ADAM29: variants seen among roughly 807,000 people sequenced by gnomAD.
The protein encoded by ADAM29 is disintegrin and metalloproteinase domain-containing protein 29.
For synonymous variants in ADAM29, 367 were observed against 342.3 expected (o/e 1.07, Z -0.80); for missense variants, 969 against 1,001.8 (o/e 0.97, Z 0.44).
chr4:174,937,538 C>T (rs544178852), intron 4 of ADAM29, among the ~76,000 whole-genome samples: 1 of 152,070 alleles, frequency 6.6e-6, no homozygotes, highest in Admixed American at 6.6e-5. Context: ...CCCATTTCAT[C>T]AGGTGATTTC....
Position 174,975,448 on chromosome 4 carries a change from C to A in ADAM29, c.-78C>A. 7.1e-7 allele frequency: 1 copy of A among 1,415,884 alleles called. No individual in the cohort carries two copies. Among genetic ancestry groups the A allele is most frequent in the Non-Finnish European group, 9.4e-7 (1 of 1,068,126 alleles). 87.7% of individuals were successfully genotyped at this position (1,415,884 alleles called of 1,614,324 possible). A position where few individuals can be genotyped will look rare whatever the true frequency, so the allele number is the denominator to read the frequency against. On this transcript the variant is annotated 5_prime_UTR_variant, in exon 5 of 5. Transcript: ENST00000359240. ...GAAGGAGCCACACCACCTGTGACTC[C>A]AGCCCTGACTTCTGCTCTGGACCAG... is the stretch of plus-strand genomic sequence containing the variant.
intron 4 of ADAM29, among the ~76,000 whole-genome samples, chr4:174,964,087 A>T (rs569417758): frequency 1.3e-5 from 2 of 151,938 alleles, no homozygotes; most frequent in African/African-American, 4.8e-5. Flanking sequence ...GGATAATAAA[A>T]TTTTTTTTCT....
intron 3 of ADAM29, among the ~76,000 whole-genome samples, chr4:174,933,920 A>C (rs1744055236): frequency 6.6e-6 from 1 of 152,192 alleles, no homozygotes; most frequent in Non-Finnish European, 1.5e-5. Flanking sequence ...TATTGTGAAT[A>C]GCGCTGCAAT....
chr4:174,955,675 T>C (rs532935578), intron 4 of ADAM29, among the ~76,000 whole-genome samples: 1 of 151,514 alleles, frequency 6.6e-6, no homozygotes, highest in Non-Finnish European at 1.5e-5. Flanking sequence ...AGATCCCAGA[T>C]CAATTTTATT....
intron 3 of ADAM29, among the ~76,000 whole-genome samples, chr4:174,935,576 A>G (rs937777097): frequency 2.6e-5 from 4 of 152,076 alleles, no homozygotes; most frequent in African/African-American, 9.7e-5. Context: ...GTTGAGGCTT[A>G]GGTATTTAGG....
chr4:174,921,616 T>C (rs1041656370), intron 2 of ADAM29, among the ~76,000 whole-genome samples: 2 of 152,220 alleles, frequency 1.3e-5, no homozygotes, highest in African/African-American at 4.8e-5. Context: ...TTAAGGATAG[T>C]GGCTAACAAT....
At chr4:174,920,968 C>T (rs544971760) in intron 2 of ADAM29, among the ~76,000 whole-genome samples, 176 bp downstream of exon 2, 10 of 152,174 alleles carry the variant, frequency 6.6e-5, no homozygotes, top group African/African-American at 2.4e-4. Context: ...GTCGATTGAT[C>T]ATTACACCAA....
intron 3 of ADAM29, among the ~76,000 whole-genome samples, chr4:174,931,883 A>G (rs1273108718): frequency 1.3e-5 from 2 of 152,004 alleles, no homozygotes; most frequent in East Asian, 3.9e-4. Flanking sequence ...GACTGTTTTG[A>G]ATGTTTTGGT....
intron 3 of ADAM29, among the ~76,000 whole-genome samples, chr4:174,935,928 A>G (rs1175738797): frequency 6.6e-6 from 1 of 152,086 alleles, no homozygotes; most frequent in African/African-American, 2.4e-5. Context: ...TTGCACTGGT[A>G]GAAACATAAA....
At chr4:174,946,097 A>G (rs1560873500) in intron 4 of ADAM29, among the ~76,000 whole-genome samples, 1 of 152,156 alleles carries the variant, frequency 6.6e-6, no homozygotes, top group Non-Finnish European at 1.5e-5. Flanking sequence ...GACCATTTTA[A>G]GAATATCGAT....
At chr4:174,927,736 C>A (rs371588631) in intron 2 of ADAM29, among the ~76,000 whole-genome samples, 2 of 152,088 alleles carry the variant, frequency 1.3e-5, no homozygotes, top group African/African-American at 4.8e-5. Flanking sequence ...CCTGTTATGG[C>A]GAGGTCCCTC....
intron 4 of ADAM29, among the ~76,000 whole-genome samples, 178 bp downstream of exon 4, chr4:174,937,191 T>C (rs1744251137): frequency 6.6e-6 from 1 of 152,026 alleles, no homozygotes; most frequent in African/African-American, 2.4e-5. Context: ...TAGAGCTTTC[T>C]TTCTCAATGA....
intron 4 of ADAM29, among the ~76,000 whole-genome samples, chr4:174,969,396 T>C (rs1490982373): frequency 2.0e-5 from 3 of 151,890 alleles, no homozygotes; most frequent in Non-Finnish European, 4.4e-5. Flanking sequence ...AAATTGAACC[T>C]ATTTTCAATG....
Position 174,978,179 on chromosome 4 carries a change from T to A in ADAM29, c.*191T>A. On this transcript the variant is annotated 3_prime_UTR_variant, in exon 5 of 5. Coordinates refer to ENST00000359240, the MANE Select transcript of ADAM29 (RefSeq NM_014269.4). ...GGTACATTAAAAAAATAATTCCTAG[T>A]ATGTTTCTACTTACTCTTCATTGTT... The A allele has an allele frequency of 1.1e-6, 1 of 924,440 alleles. No individual in the cohort carries two copies. Among genetic ancestry groups the A allele is most frequent in the Non-Finnish European group, 1.6e-6 (1 of 615,392 alleles). 57.3% of individuals were successfully genotyped at this position (924,440 alleles called of 1,614,324 possible).
At chr4:174,938,704 A>G (rs1006699829) in intron 4 of ADAM29, among the ~76,000 whole-genome samples, 3 of 152,180 alleles carry the variant, frequency 2.0e-5, no homozygotes, top group Non-Finnish European at 4.4e-5. Flanking sequence ...GGCTCAGGAT[A>G]AGAAAACAGG....
At chr4:174,933,153 C>G (rs755915140) in intron 3 of ADAM29, among the ~76,000 whole-genome samples, 1 of 152,108 alleles carries the variant, frequency 6.6e-6, no homozygotes, top group Admixed American at 6.5e-5. Context: ...AGAATGGGGT[C>G]TGGGATAACA....
chr4:174,923,698 T>C (rs1023267840), intron 2 of ADAM29: 1 of 151,960 alleles, frequency 6.6e-6, no homozygotes, highest in South Asian at 2.1e-4. Context: ...TTTTTCCTTG[T>C]GCATGAAGTA....
chr4:174,948,036 C>A (rs1415769558), intron 4 of ADAM29, among the ~76,000 whole-genome samples: 1 of 152,164 alleles, frequency 6.6e-6, no homozygotes, highest in Non-Finnish European at 1.5e-5. Flanking sequence ...TTAGTTATAT[C>A]TTAAGATGGA....
chr4:174,944,649 T>C (rs1341326543), intron 4 of ADAM29, among the ~76,000 whole-genome samples: 1 of 152,134 alleles, frequency 6.6e-6, no homozygotes, highest in Non-Finnish European at 1.5e-5. Context: ...CATAGTACCT[T>C]ATAGGTAGTT....
Sources: gnomAD v4.1 joint callset for allele counts (sites outside exome capture counted in the v4.1 genomes callset) on GRCh38, gnomAD v4.1.1 for gene constraint, MANE v1.5 for transcripts, NCBI Gene and HGNC (gene_info 2026-07-23, HGNC 2026-07-21) for gene names.